The following B3GLCT variants were observed in gnomAD, a reference collection of about 807,000 sequenced individuals.
B3GLCT encodes beta-1,3-glucosyltransferase.
A neutral mutation model predicts 63.4 loss-of-function variants in B3GLCT; 65 were observed. That is an observed-to-expected ratio of 1.03 (90% CI 0.84 to 1.26). B3GLCT has a LOEUF of 1.26. Among genes scored for constraint, B3GLCT ranks in the 50% most tolerant of loss-of-function variants. B3GLCT has a pLI of 0.00. For missense variants in B3GLCT, 577 were observed against 604.8 expected (o/e 0.95, Z 0.48); for synonymous variants, 233 against 219.2 (o/e 1.06, Z -0.55).
At chr13:31,247,498 C>A (rs565567486) in intron 5 of B3GLCT, among the ~76,000 whole-genome samples, 24 of 152,300 alleles carry the variant, frequency 1.6e-4, no homozygotes, top group African/African-American at 4.8e-4. Context: ...TGGCCTTGAT[C>A]TGTTGACCTT....
At chr13:31,222,371 C>T (rs1036198530) in intron 2 of B3GLCT, among the ~76,000 whole-genome samples, 1 of 152,142 alleles carries the variant, frequency 6.6e-6, no homozygotes, top group African/African-American at 2.4e-5. Flanking sequence ...CCACCGCACC[C>T]GGCCTCTGTG....
chr13:31,269,612 A>G (rs1872491725), intron 8 of B3GLCT, among the ~76,000 whole-genome samples: 1 of 151,700 alleles, frequency 6.6e-6, no homozygotes, highest in South Asian at 2.1e-4. Flanking sequence ...GGTTGTACGT[A>G]TGCCAGTGTA....
chr13:31,221,001 G>C (rs962342310), intron 2 of B3GLCT, among the ~76,000 whole-genome samples: 2 of 152,192 alleles, frequency 1.3e-5, no homozygotes, highest in African/African-American at 4.8e-5. Flanking sequence ...TTTAAAGCAT[G>C]CTTCCCGAGG....
At chr13:31,318,144 A>C (rs925270374) in intron 13 of B3GLCT, among the ~76,000 whole-genome samples, 3 of 152,220 alleles carry the variant, frequency 2.0e-5, no homozygotes, top group African/African-American at 7.2e-5. Flanking sequence ...ACAGTTAAAA[A>C]TCAGTGTTTT....
Position 31,284,712 on chromosome 13 carries a change from T to A in B3GLCT, c.915T>A (p.Thr305=), listed in dbSNP as rs750902054. 6.2e-7 allele frequency: 1 copy of A among 1,611,346 alleles called. No individual in the cohort carries two copies. The highest frequency in any genetic ancestry group is 8.5e-7 in the Non-Finnish European group (1 of 1,177,460). The part of the protein sequence containing the change: ...ASLIEYYSDY[T]ENSIPTVDLG... ...TCATTGAATACTATAGTGACTATAC[T>A]GAAAATTCCATTCCTACTGTGGATT... is the stretch of plus-strand genomic sequence containing the variant. Residue 305 remains threonine (T), a synonymous_variant, in exon 11 of 15, where the codon ACT becomes ACA. Coordinates refer to ENST00000343307, the MANE Select transcript of B3GLCT (RefSeq NM_194318.4).
intron 7 of B3GLCT, among the ~76,000 whole-genome samples, chr13:31,266,225 C>T (rs1036123346): frequency 4.6e-5 from 7 of 152,106 alleles, no homozygotes; most frequent in Non-Finnish European, 8.8e-5. Flanking sequence ...GCCTCGATCT[C>T]CTGACCTCAT....
intron 12 of B3GLCT, among the ~76,000 whole-genome samples, chr13:31,293,896 T>C (rs1873804367): frequency 6.6e-6 from 1 of 152,242 alleles, no homozygotes; most frequent in Non-Finnish European, 1.5e-5. Flanking sequence ...AGTTTCTTCA[T>C]AGTGTCGAAG....
chr13:31,261,172 T>C, intron 7 of B3GLCT, 90 bp downstream of exon 7: 1 of 1,452,706 alleles, frequency 6.9e-7, no homozygotes, highest in Non-Finnish European at 9.5e-7. Flanking sequence ...GATCTCAGGA[T>C]CTCAAATGAG....
chr13:31,229,440 T>C (rs1056585487), intron 4 of B3GLCT, 146 bp downstream of exon 4: 2 of 696,894 alleles, frequency 2.9e-6, no homozygotes, highest in African/African-American at 3.6e-5. Context: ...ATATTGAGTA[T>C]TTGTTGTTGA....
rs67766869 is a variant in B3GLCT, at chr13:31,316,433, AT to A, written c.1065-1121del. ...TATATATATATATATATATATATAAATTTTTTTTTTTTGAGACGGAGTTTCG... is the reference window on the plus strand; with the variant it reads ...TATATATATATATATATATATATAAATTTTTTTTTTTGAGACGGAGTTTCG... On this transcript the variant is annotated intron_variant, in intron 12 of 14. Transcript: ENST00000343307. Among the ~76,000 whole-genome samples the A allele has an allele frequency of 5.4e-3, 616 of 114,354 alleles. 35 individuals carry two copies. In the East Asian group the frequency reaches 0.064, roughly 12 times the overall value. The allele number at this position is 114,354 out of a possible 152,430, so 75.0% of individuals were successfully genotyped here. A position where few individuals can be genotyped will look rare whatever the true frequency, so the allele number is the denominator to read the frequency against.
chr13:31,296,090 C>T (rs1873928160), intron 12 of B3GLCT, among the ~76,000 whole-genome samples: 1 of 152,192 alleles, frequency 6.6e-6, no homozygotes, highest in African/African-American at 2.4e-5. Context: ...CCTTGTGCTT[C>T]CCAGGTAAGG....
intron 3 of B3GLCT, among the ~76,000 whole-genome samples, chr13:31,224,241 C>T (rs985991793): frequency 6.6e-6 from 1 of 152,158 alleles, no homozygotes; most frequent in African/African-American, 2.4e-5. Context: ...TTAGCCACGC[C>T]TTTCCATGTG....
At chr13:31,231,852 C>G (rs1456737912) in intron 4 of B3GLCT, among the ~76,000 whole-genome samples, 1 of 152,188 alleles carries the variant, frequency 6.6e-6, no homozygotes, top group Non-Finnish European at 1.5e-5. Flanking sequence ...GGCCCTGGGG[C>G]TCCGCAAAGG....
chr13:31,239,751 C>G (rs532854196), intron 4 of B3GLCT, among the ~76,000 whole-genome samples: 1 of 149,164 alleles, frequency 6.7e-6, no homozygotes, highest in African/African-American at 2.5e-5. Flanking sequence ...CTGAAACAAT[C>G]TTTCCTGTAG....
chr13:31,250,798 A>G (rs1266335038), intron 6 of B3GLCT, among the ~76,000 whole-genome samples: 1 of 152,226 alleles, frequency 6.6e-6, no homozygotes, highest in Non-Finnish European at 1.5e-5. Context: ...CAGCAGACTT[A>G]AATGTCCCTA....
chr13:31,309,072 C>T (rs994903911), intron 12 of B3GLCT, among the ~76,000 whole-genome samples: 1 of 152,098 alleles, frequency 6.6e-6, no homozygotes, highest in Non-Finnish European at 1.5e-5. Context: ...TAACTTTTAC[C>T]TTTAGTAACT....
intron 8 of B3GLCT, among the ~76,000 whole-genome samples, chr13:31,270,984 G>T (rs1055564522): frequency 6.6e-6 from 1 of 152,102 alleles, no homozygotes; most frequent in African/African-American, 2.4e-5. Context: ...TGAATACCAG[G>T]GCCCCTACAC....
chr13:31,302,583 C>T (rs1338465452), intron 12 of B3GLCT, among the ~76,000 whole-genome samples: 2 of 98,104 alleles, frequency 2.0e-5, no homozygotes, highest in South Asian at 4.3e-4. Context: ...CCTGGAAAAT[C>T]GGGTCACTCC....
intron 6 of B3GLCT, among the ~76,000 whole-genome samples, chr13:31,253,495 AGGCAGGAGAAT>A (rs1871542413): frequency 1.4e-5 from 2 of 145,930 alleles, no homozygotes; most frequent in Admixed American, 1.4e-4. Context: ...CGGGAGGCTG[AGGCAGGAGAAT>A]GGCGTGAACC....
Sources: allele counts gnomAD v4.1 joint callset (sites outside exome capture counted in the v4.1 genomes callset), GRCh38; gene constraint gnomAD v4.1.1; transcripts MANE v1.5; gene names NCBI Gene and HGNC (gene_info 2026-07-23, HGNC 2026-07-21).